The following PTPRT variants were observed in gnomAD, a reference collection of about 807,000 sequenced individuals.
PTPRT encodes receptor-type tyrosine-protein phosphatase T.
Under a neutral mutation model 176.8 loss-of-function variants are expected in PTPRT, and 56 were observed. The observed-to-expected ratio is 0.32, with a 90% CI of 0.26 to 0.40. The LOEUF (loss-of-function observed/expected upper bound fraction) is 0.40, where lower values mean the gene tolerates loss of function less well. PTPRT is among the 10% of genes least tolerant of loss of function. PTPRT has a pLI of 1.00. For synonymous variants in PTPRT, 783 were observed against 739.0 expected, an observed-to-expected ratio of 1.06 and a Z score of -0.96; for missense variants, 1,540 against 1,908.2, an observed-to-expected ratio of 0.81 and a Z score of 3.60.
At chr20:42,937,204 G>C (rs763810926) in intron 1 of PTPRT, among the ~76,000 whole-genome samples, 1 of 152,168 alleles carries the variant, frequency 6.6e-6, no homozygotes, top group Non-Finnish European at 1.5e-5. Context: ...CATTTAATGT[G>C]CAGCTATTAC....
intron 6 of PTPRT, among the ~76,000 whole-genome samples, chr20:42,724,063 T>C (rs1251160907): frequency 6.6e-6 from 1 of 152,260 alleles, no homozygotes; most frequent in African/African-American, 2.4e-5. Flanking sequence ...CAAGTGTGAA[T>C]TGAATCATTT....
chr20:42,548,976 C>G (rs2072721933), intron 7 of PTPRT, among the ~76,000 whole-genome samples: 1 of 152,062 alleles, frequency 6.6e-6, no homozygotes, highest in Non-Finnish European at 1.5e-5. Context: ...CAGGGCAGAG[C>G]TGGGGAGCTC....
intron 1 of PTPRT, among the ~76,000 whole-genome samples, chr20:42,966,690 A>G (rs78654064): frequency 3.0e-4 from 46 of 152,348 alleles, no homozygotes; most frequent in African/African-American, 1.1e-3. Context: ...CCCGCAACAG[A>G]GTTCTGCCAA....
At chr20:43,127,197 G>A (rs554306367) in intron 1 of PTPRT, among the ~76,000 whole-genome samples, 44 of 152,118 alleles carry the variant, frequency 2.9e-4, no homozygotes, top group Non-Finnish European at 5.4e-4. Flanking sequence ...GCAAAGGCGG[G>A]CGGATCACAA....
chr20:42,386,863 C>G (rs1190842668), intron 9 of PTPRT, among the ~76,000 whole-genome samples: 1 of 151,472 alleles, frequency 6.6e-6, no homozygotes. Flanking sequence ...CCGTCTCAAA[C>G]AAACAAACAA....
intron 6 of PTPRT, among the ~76,000 whole-genome samples, chr20:42,690,514 T>C (rs1403394551): frequency 2.0e-5 from 3 of 152,112 alleles, no homozygotes; most frequent in African/African-American, 7.2e-5. Flanking sequence ...GAGCAAGGCA[T>C]ATGGACCAGT....
intron 9 of PTPRT, among the ~76,000 whole-genome samples, chr20:42,382,950 T>A (rs1357768611): frequency 2.0e-5 from 3 of 152,182 alleles, no homozygotes; most frequent in Admixed American, 6.5e-5. Context: ...GTATGGAATT[T>A]AGGTGTCTGA....
intron 15 of PTPRT, among the ~76,000 whole-genome samples, chr20:42,212,832 A>G (rs752530555): frequency 6.6e-6 from 1 of 152,236 alleles, no homozygotes; most frequent in African/African-American, 2.4e-5. Flanking sequence ...ATTATTTATT[A>G]AATATGAATA....
At chr20:42,363,990 T>C (rs2058478949) in intron 9 of PTPRT, among the ~76,000 whole-genome samples, 1 of 152,158 alleles carries the variant, frequency 6.6e-6, no homozygotes, top group African/African-American at 2.4e-5. Flanking sequence ...TAGGAGTATT[T>C]GGACAGGCAG....
intron 1 of PTPRT, among the ~76,000 whole-genome samples, chr20:42,887,114 C>A (rs970937438): frequency 6.6e-6 from 1 of 152,186 alleles, no homozygotes; most frequent in African/African-American, 2.4e-5. Context: ...ACAGGTTTCC[C>A]ACCCCACAGA....
intron 9 of PTPRT, among the ~76,000 whole-genome samples, chr20:42,394,348 A>T (rs2058828840): frequency 6.6e-6 from 1 of 152,204 alleles, no homozygotes. Flanking sequence ...ACCTATGGGC[A>T]TGGGACCTCA....
At chr20:42,177,447 CTT>C (rs1990340206) in intron 16 of PTPRT, among the ~76,000 whole-genome samples, 2 of 152,126 alleles carry the variant, frequency 1.3e-5, no homozygotes, top group Admixed American at 1.3e-4. Context: ...ATCTGATGGC[CTT>C]AACCCTGGAA....
At chr20:42,033,122 C>T in the PTPRT span, among the ~76,000 whole-genome samples, 1 of 152,250 alleles carries the variant, frequency 6.6e-6, no homozygotes, top group South Asian at 2.1e-4. Flanking sequence ...ATCAGATGGG[C>T]TAGGATGTTT....
At chr20:42,580,425 T>C (rs1452477263) in intron 7 of PTPRT, among the ~76,000 whole-genome samples, 1 of 152,188 alleles carries the variant, frequency 6.6e-6, no homozygotes, top group East Asian at 1.9e-4. Flanking sequence ...AAGTAGTTTT[T>C]TCCAATTCTG....
rs2056202338 is a variant in PTPRT, at chr20:42,234,603, A to T, written c.2342+1626T>A. On this transcript the variant is annotated intron_variant, in intron 15 of 30. Transcript: ENST00000373187. The stretch of plus-strand genomic sequence containing the variant: ...TAAGTGTTCCTGTACTACAGTATGT[A>T]GAGGCATCTCTCAGCTAACGTTTCT... Among the ~76,000 whole-genome samples, 3 of 152,380 alleles carry T rather than the reference A, an allele frequency of 2.0e-5. No individual in the cohort carries two copies. The South Asian group carries it at 6.2e-4, about 32-fold the overall frequency.
chr20:42,963,759 A>C (rs1427456544), intron 1 of PTPRT, among the ~76,000 whole-genome samples: 8 of 152,206 alleles, frequency 5.3e-5, no homozygotes, highest in Middle Eastern at 3.2e-3. Flanking sequence ...AGCCAATAAA[A>C]TACTTTGTAT....
intron 15 of PTPRT, among the ~76,000 whole-genome samples, chr20:42,223,286 G>A (rs1266797543): frequency 1.3e-5 from 2 of 152,166 alleles, no homozygotes; most frequent in Non-Finnish European, 2.9e-5. Flanking sequence ...ATTATCTTAT[G>A]CTGTCCTGGT....
chr20:42,246,069 T>C (rs1276640365), intron 14 of PTPRT, among the ~76,000 whole-genome samples: 1 of 152,190 alleles, frequency 6.6e-6, no homozygotes, highest in African/African-American at 2.4e-5. Flanking sequence ...TGAATACATC[T>C]TCCTTTGAGG....
intron 1 of PTPRT, among the ~76,000 whole-genome samples, chr20:42,894,460 C>T (rs1182288794): frequency 6.6e-6 from 1 of 152,068 alleles, no homozygotes; most frequent in East Asian, 1.9e-4. Context: ...ATCCCAATCA[C>T]CCCACGAGAT....
Sources: allele counts gnomAD v4.1 joint callset (sites outside exome capture counted in the v4.1 genomes callset), GRCh38; gene constraint gnomAD v4.1.1; transcripts MANE v1.5; gene names NCBI Gene and HGNC (gene_info 2026-07-23, HGNC 2026-07-21).